Variants in CADPS observed in about 807,000 individuals in gnomAD.
CADPS encodes calcium-dependent secretion activator 1.
A neutral mutation model predicts 167.3 loss-of-function variants in CADPS; 57 were observed. The observed-to-expected ratio is 0.34, with a 90% CI of 0.28 to 0.42. CADPS has a LOEUF of 0.42. CADPS is among the 20% of genes least tolerant of loss of function. The probability of loss-of-function intolerance (pLI) is 1.00; values close to 1 mark genes in which losing one functional copy is unlikely to be tolerated. For missense variants in CADPS, 1,414 were observed against 1,738.1 expected, an observed-to-expected ratio of 0.81 and a Z score of 3.32; for synonymous variants, 676 against 635.3, an observed-to-expected ratio of 1.06 and a Z score of -0.96.
chr3:62,785,634 A>G (rs1559611340), intron 1 of CADPS, among the ~76,000 whole-genome samples: 1 of 152,222 alleles, frequency 6.6e-6, no homozygotes, highest in Non-Finnish European at 1.5e-5. Context: ...ATGATAAGAA[A>G]GTAAGCACAG....
At chr3:62,628,382 T>C (rs1251589814) in intron 6 of CADPS, among the ~76,000 whole-genome samples, 1 of 152,208 alleles carries the variant, frequency 6.6e-6, no homozygotes, top group African/African-American at 2.4e-5. Context: ...GATCTTAATA[T>C]AGAGATAACT....
At chr3:62,843,353 T>C (rs1011896084) in intron 1 of CADPS, among the ~76,000 whole-genome samples, 1 of 152,226 alleles carries the variant, frequency 6.6e-6, no homozygotes, top group African/African-American at 2.4e-5. Flanking sequence ...TACTAAATAT[T>C]GAAGATTCGA....
intron 1 of CADPS, among the ~76,000 whole-genome samples, chr3:62,826,581 T>A (rs2074084114): frequency 6.6e-6 from 1 of 152,216 alleles, no homozygotes; most frequent in Non-Finnish European, 1.5e-5. Context: ...GTAACCTTGC[T>A]ATTTCATATC....
At chr3:62,508,006 A>T in intron 17 of CADPS, among the ~76,000 whole-genome samples, 1 of 152,220 alleles carries the variant, frequency 6.6e-6, no homozygotes, top group East Asian at 1.9e-4. Context: ...GAGGTTAGAA[A>T]GCCCAGTGGA....
At chr3:62,485,905 G>A (rs1343568829) in intron 21 of CADPS, among the ~76,000 whole-genome samples, 1 of 152,104 alleles carries the variant, frequency 6.6e-6, no homozygotes, top group Non-Finnish European at 1.5e-5. Context: ...GTGAACTGAG[G>A]GAGGATCTCA....
At chr3:62,686,341 G>C (rs1441036216) in intron 3 of CADPS, among the ~76,000 whole-genome samples, 1 of 152,052 alleles carries the variant, frequency 6.6e-6, no homozygotes, top group Non-Finnish European at 1.5e-5. Flanking sequence ...TCTATTTAAA[G>C]TTCTTTCAGA....
Position 62,516,141 on chromosome 3 carries a change from C to T in CADPS, c.2499G>A (p.Glu833=). 1 of 1,613,274 alleles carries T rather than the reference C, an allele frequency of 6.2e-7. No homozygotes were observed. Among genetic ancestry groups the T allele is most frequent in the Non-Finnish European group, 8.5e-7 (1 of 1,179,410 alleles). The part of the protein sequence containing the change: ...KDIVTPVPQE[E]VKTVIRKCLE... ...GACATTTACGGATAACTGTTTTTAC[C>T]TCCTCTTGTGGCACTGGGGTAACAA... The change falls in exon 16 of 30, where the codon GAG becomes GAA. Residue 833 remains glutamate, a synonymous_variant. Coordinates refer to ENST00000383710, the MANE Select transcript of CADPS (RefSeq NM_003716.4).
intron 3 of CADPS, among the ~76,000 whole-genome samples, chr3:62,666,845 A>G (rs1512015): frequency 0.32 from 48,340 of 151,984 alleles, 8,450 homozygotes; most frequent in East Asian, 0.72. Context: ...GGCCAATTTA[A>G]ACACAGGCTT....
chr3:62,664,540 C>T (rs564348014), intron 3 of CADPS, among the ~76,000 whole-genome samples: 16 of 152,292 alleles, frequency 1.1e-4, no homozygotes, highest in Middle Eastern at 3.4e-3. Flanking sequence ...CTTTTTATTC[C>T]CTTGGGAAGC....
chr3:62,712,183 C>G lies in CADPS; in HGVS notation c.888+41258G>C, dbSNP rs530036344. On this transcript the variant is annotated intron_variant, in intron 3 of 29. Coordinates refer to ENST00000383710, the MANE Select transcript of CADPS (RefSeq NM_003716.4). ...ATATTTGTGTATATATTTCTTTGAT[C>G]ACACATATGAATATTTCTTTAAAGA... Among the ~76,000 whole-genome samples the G allele has an allele frequency of 3.9e-5, 6 of 152,088 alleles. No individual in the cohort carries two copies. In the East Asian group the frequency reaches 1.2e-3, roughly 29 times the overall value.
chr3:62,486,664 A>T (rs540533931), intron 21 of CADPS, among the ~76,000 whole-genome samples: 1 of 152,192 alleles, frequency 6.6e-6, no homozygotes, highest in African/African-American at 2.4e-5. Context: ...GGCTTAGCCC[A>T]TGAGGGTTCT....
chr3:62,589,278 A>T (rs1416656121), intron 7 of CADPS, among the ~76,000 whole-genome samples: 1 of 152,232 alleles, frequency 6.6e-6, no homozygotes, highest in Admixed American at 6.5e-5. Context: ...GCCCATGAAG[A>T]TGCTGCCAGC....
At chr3:62,577,072 T>C (rs886976955) in intron 8 of CADPS, among the ~76,000 whole-genome samples, 1 of 152,098 alleles carries the variant, frequency 6.6e-6, no homozygotes, top group Non-Finnish European at 1.5e-5. Context: ...GGAAGATTCA[T>C]CTGTGTTCAA....
chr3:62,849,718 G>A (rs1198868406), intron 1 of CADPS, among the ~76,000 whole-genome samples: 2 of 144,230 alleles, frequency 1.4e-5, no homozygotes, highest in African/African-American at 5.3e-5. Flanking sequence ...TGTTCATCAA[G>A]GATATTGGTC....
intron 3 of CADPS, among the ~76,000 whole-genome samples, chr3:62,693,496 T>C (rs2079604542): frequency 6.6e-6 from 1 of 152,048 alleles, no homozygotes; most frequent in South Asian, 2.1e-4. Flanking sequence ...CCAGGTGCAG[T>C]GGCTCACATC....
intron 6 of CADPS, among the ~76,000 whole-genome samples, chr3:62,631,101 C>A (rs2065187732): frequency 6.9e-6 from 1 of 145,134 alleles, no homozygotes; most frequent in Admixed American, 6.8e-5. Context: ...AAAACTTTAT[C>A]TGTATAATAC....
At chr3:62,813,093 T>C in intron 1 of CADPS, among the ~76,000 whole-genome samples, 1 of 152,088 alleles carries the variant, frequency 6.6e-6, no homozygotes. Flanking sequence ...AGCCATTTTT[T>C]ACAGAATTAA....
chr3:62,764,019 G>T (rs1200163887), intron 2 of CADPS, among the ~76,000 whole-genome samples: 1 of 152,182 alleles, frequency 6.6e-6, no homozygotes, highest in Non-Finnish European at 1.5e-5. Context: ...TTAATTAATA[G>T]ATAGAAATGA....
intron 17 of CADPS, among the ~76,000 whole-genome samples, chr3:62,506,611 G>T (rs1452723998): frequency 6.6e-6 from 1 of 152,190 alleles, no homozygotes; most frequent in Non-Finnish European, 1.5e-5. Flanking sequence ...ATCTGTCCTT[G>T]TATGTGCAAG....
Sources: allele counts gnomAD v4.1 joint callset (sites outside exome capture counted in the v4.1 genomes callset), GRCh38; gene constraint gnomAD v4.1.1; transcripts MANE v1.5; gene names NCBI Gene and HGNC (gene_info 2026-07-23, HGNC 2026-07-21).